FERMT1: variants seen among roughly 807,000 people sequenced by gnomAD.
FERMT1 encodes the protein fermitin family homolog 1.
FERMT1 carries 60 observed loss-of-function variants against 85.3 expected under a neutral mutation model. That is an observed-to-expected ratio of 0.70 (90% CI 0.57 to 0.87). FERMT1 has a LOEUF of 0.87. Among genes scored for constraint, FERMT1 ranks in the 40% least tolerant of loss-of-function variants. The probability of loss-of-function intolerance (pLI) is 0.00; values close to 1 mark genes in which losing one functional copy is unlikely to be tolerated. For synonymous variants in FERMT1, 275 were observed against 301.1 expected (o/e 0.91, Z 0.90); for missense variants, 701 against 818.9 (o/e 0.86, Z 1.76).
At chr20:6,111,424 G>C (rs911057056) in intron 4 of FERMT1, among the ~76,000 whole-genome samples, 1 of 152,074 alleles carries the variant, frequency 6.6e-6, no homozygotes, top group East Asian at 1.9e-4. Context: ...TTGAGGCCAG[G>C]AGTTTGAGAC....
At chr20:6,088,105 T>TAAGTC (rs1982236147) in intron 10 of FERMT1, among the ~76,000 whole-genome samples, 1 of 151,844 alleles carries the variant, frequency 6.6e-6, no homozygotes, top group African/African-American at 2.4e-5. Context: ...ACAGTTTTCT[T>TAAGTC]AAAAAGTCAA....
At chr20:6,079,325 G>T in intron 14 of FERMT1, 111 bp downstream of exon 14, 1 of 1,135,722 alleles carries the variant, frequency 8.8e-7, no homozygotes, top group Non-Finnish European at 1.3e-6. Context: ...ATATGCTTGT[G>T]GTTTCTTAGG....
intron 6 of FERMT1, among the ~76,000 whole-genome samples, chr20:6,102,688 AAAAAAAAAAAAAAG>A (rs1333450342): frequency 6.9e-6 from 1 of 143,942 alleles, no homozygotes; most frequent in Non-Finnish European, 1.5e-5. Context: ...AGAAAAAAAA[AAAAAAAAAAAAAAG>A]AAAAGAAAAT....
intron 2 of FERMT1, among the ~76,000 whole-genome samples, chr20:6,118,351 G>A (rs1478061547): frequency 6.6e-6 from 1 of 151,682 alleles, no homozygotes; most frequent in Non-Finnish European, 1.5e-5. Flanking sequence ...TGTGGTGTTA[G>A]AAGTCAGGAC....
chr20:6,118,073 G>A (rs1568666512), intron 2 of FERMT1, among the ~76,000 whole-genome samples: 1 of 152,184 alleles, frequency 6.6e-6, no homozygotes. Context: ...CAACAGAAAT[G>A]ATCTCTGAAA....
chr20:6,083,660 C>T (rs1426057284), intron 13 of FERMT1, among the ~76,000 whole-genome samples: 1 of 126,200 alleles, frequency 7.9e-6, no homozygotes, highest in South Asian at 2.6e-4. Flanking sequence ...GAGACACCCC[C>T]CCCCCCGGCC....
intron 7 of FERMT1, 150 bp from the exon 8 acceptor site, chr20:6,097,183 G>T (rs1982528024): frequency 2.4e-6 from 2 of 844,544 alleles, no homozygotes; most frequent in Non-Finnish European, 3.8e-6. Context: ...TGGGGAAAAT[G>T]ACATTTTAAC....
At chr20:6,118,422 C>G (rs1296572408) in intron 2 of FERMT1, among the ~76,000 whole-genome samples, 2 of 152,026 alleles carry the variant, frequency 1.3e-5, no homozygotes, top group East Asian at 1.9e-4. Context: ...GGGTGGGGAA[C>G]AGCTGATGTT....
At chr20:6,091,528 A>C (rs1328265552) in intron 9 of FERMT1, among the ~76,000 whole-genome samples, 1 of 152,156 alleles carries the variant, frequency 6.6e-6, no homozygotes, top group Non-Finnish European at 1.5e-5. Context: ...CTCCATGCCC[A>C]GGCAGTTCTA....
intron 3 of FERMT1, among the ~76,000 whole-genome samples, chr20:6,115,431 A>G (rs1983069649): frequency 1.3e-5 from 2 of 152,246 alleles, no homozygotes; most frequent in Admixed American, 6.5e-5. Flanking sequence ...ATTATCTCAA[A>G]AACAATAAAG....
intron 1 of FERMT1, among the ~76,000 whole-genome samples, chr20:6,121,900 G>T (rs761681468): frequency 6.6e-6 from 1 of 152,316 alleles, no homozygotes; most frequent in Non-Finnish European, 1.5e-5. Flanking sequence ...CAAATCTTGC[G>T]CAGTGAGGAG....
intron 9 of FERMT1, among the ~76,000 whole-genome samples, chr20:6,091,937 A>AT (rs3060080): frequency 0.084 from 12,019 of 142,416 alleles, 984 homozygotes; most frequent in East Asian, 0.46. Flanking sequence ...TCTCGTTAGA[A>AT]TTTTTTTTTT....
chr20:6,112,976 A>G (rs1228601256), intron 3 of FERMT1, among the ~76,000 whole-genome samples: 1 of 152,194 alleles, frequency 6.6e-6, no homozygotes, highest in Non-Finnish European at 1.5e-5. Context: ...TTACCTATTT[A>G]CCACCAACTT....
chr20:6,089,958 G>C (rs535530569), intron 9 of FERMT1, among the ~76,000 whole-genome samples: 1 of 152,206 alleles, frequency 6.6e-6, no homozygotes, highest in Non-Finnish European at 1.5e-5. Flanking sequence ...AAACCTGGCC[G>C]TGGGGGCAGA....
At chr20:6,117,040 A>G (rs1339645890) in intron 2 of FERMT1, among the ~76,000 whole-genome samples, 1 of 152,202 alleles carries the variant, frequency 6.6e-6, no homozygotes, top group East Asian at 1.9e-4. Flanking sequence ...TATCAGTACC[A>G]CCATATCCAA....
rs1263350603 is a variant in FERMT1 at position 6,120,246 on chromosome 20, T to G, written c.-18-674A>C. 4 of 152,224 alleles carry G rather than the reference T, an allele frequency of 2.6e-5. No individual in the cohort carries two copies. The East Asian group carries it at 7.7e-4, about 29-fold the overall frequency. 9.4% of individuals were successfully genotyped at this position (152,224 alleles called of 1,614,324 possible). The stretch of plus-strand genomic sequence containing the variant: ...TTAAATACATATAGATACAGGTCAT[T>G]AATAATTATTGCCATGTATTCGATT... On this transcript the variant is annotated intron_variant, in intron 1 of 14. Transcript: ENST00000217289.
Position 6,076,508 on chromosome 20 carries a change from A to G in FERMT1, c.*665T>C, listed in dbSNP as rs1293337158. 1 of 511,518 alleles carries G rather than the reference A, an allele frequency of 2.0e-6. No individual in the cohort carries two copies. The highest frequency in any genetic ancestry group is 3.9e-6 in the Non-Finnish European group (1 of 256,564). 31.7% of individuals were successfully genotyped at this position (511,518 alleles called of 1,614,324 possible). ...GTGGCCCCAGAAATCTGAGGAGACC[A>G]ATGACTAAGACCAGATGTGGGTCAG... On this transcript the variant is annotated 3_prime_UTR_variant, in exon 15 of 15. Coordinates refer to ENST00000217289, the MANE Select transcript of FERMT1 (RefSeq NM_017671.5).
At chr20:6,116,093 G>T (rs764755077) in intron 2 of FERMT1, 49 bp from the exon 3 acceptor site, 1 of 1,280,140 alleles carries the variant, frequency 7.8e-7, no homozygotes, top group South Asian at 1.2e-5. Context: ...GGCCCAGCTT[G>T]GAGGGTCCTG....
At chr20:6,115,524 G>A (rs914641686) in intron 3 of FERMT1, among the ~76,000 whole-genome samples, 4 of 152,070 alleles carry the variant, frequency 2.6e-5, no homozygotes, top group Non-Finnish European at 5.9e-5. Flanking sequence ...GTATAGCTTG[G>A]ATCAATAAAT....
Sources: gnomAD v4.1 joint callset for allele counts (sites outside exome capture counted in the v4.1 genomes callset) on GRCh38, gnomAD v4.1.1 for gene constraint, MANE v1.5 for transcripts, NCBI Gene and HGNC (gene_info 2026-07-23, HGNC 2026-07-21) for gene names.